ABCA3: variants seen among roughly 807,000 people sequenced by gnomAD.
ABCA3 encodes ATP binding cassette subfamily A member 3, also known as phospholipid-transporting ATPase ABCA3.
Under a neutral mutation model 172.8 loss-of-function variants are expected in ABCA3, and 88 were observed. That is an observed-to-expected ratio of 0.51 (90% CI 0.43 to 0.61). The LOEUF is 0.61. Among genes scored for constraint, ABCA3 ranks in the 20% least tolerant of loss-of-function variants. The pLI, the probability that ABCA3 is intolerant of heterozygous loss-of-function variation, is 0.00. For synonymous variants in ABCA3, 1,066 were observed against 983.8 expected (o/e 1.08, Z -1.56); for missense variants, 2,164 against 2,301.0 (o/e 0.94, Z 1.22).
At chr16:2,290,869 G>A (rs1334408403) in intron 19 of ABCA3, among the ~76,000 whole-genome samples, 4 of 152,054 alleles carry the variant, frequency 2.6e-5, no homozygotes, top group Admixed American at 6.6e-5. Flanking sequence ...CCTATCTCAC[G>A]TTTTTTTCTT....
rs754901496 is a variant in ABCA3 at position 2,304,161 on chromosome 16, C to T, written c.1286-11G>A. 1.9e-6 allele frequency: 3 copies of T among 1,613,938 alleles called. No individual in the cohort carries two copies. Among genetic ancestry groups the T allele is most frequent in the Non-Finnish European group, 2.5e-6 (3 of 1,180,024 alleles). Reference sequence around the variant, plus strand: ...ACTGGATGCCCATGCCTGGAAGACACATCAGGAAAGTGGCCCGAAAGCCAG... The same window carrying T: ...ACTGGATGCCCATGCCTGGAAGACATATCAGGAAAGTGGCCCGAAAGCCAG... On this transcript the variant is annotated splice_polypyrimidine_tract_variant and intron_variant, in intron 11 of 32. Transcript: ENST00000301732.
intron 1 of ABCA3, among the ~76,000 whole-genome samples, chr16:2,339,900 C>T (rs952621000): frequency 2.0e-5 from 3 of 152,262 alleles, no homozygotes; most frequent in Non-Finnish European, 4.4e-5. Context: ...GCGATGCACA[C>T]AGGCGTCCTG....
At position 2,285,972 on chromosome 16, in the gene ABCA3, C is replaced by T. The variant is rs1461713358; in HGVS notation, c.3279-326G>A. The stretch of plus-strand genomic sequence containing the variant: ...AGCCCCACCTCCTCCTGGAGTGTGG[C>T]AAAGGGAAAGCCTCTCCTGGCCTCT... On this transcript the variant is annotated intron_variant, in intron 22 of 32. Coordinates refer to ENST00000301732, the MANE Select transcript of ABCA3 (RefSeq NM_001089.3). The surrounding 1 kb of genome is among the most constrained non-coding windows in gnomAD (Gnocchi z 4.7). 6.6e-6 allele frequency among the ~76,000 whole-genome samples: 1 copy of T among 152,190 alleles called. No individual in the cohort carries two copies. Among genetic ancestry groups the T allele is most frequent in the Non-Finnish European group, 1.5e-5 (1 of 68,024 alleles).
chr16:2,327,165 A>G (rs967772120), intron 3 of ABCA3, among the ~76,000 whole-genome samples: 9 of 151,954 alleles, frequency 5.9e-5, no homozygotes, highest in Non-Finnish European at 1.3e-4. Context: ...CCCAGGCTGG[A>G]GTGCCATGGT....
chr16:2,287,044 A>ATCAGGGACC lies in ABCA3; in HGVS notation c.3005-86_3005-78dup. 1 of 1,518,806 alleles carries ATCAGGGACC rather than the reference A, an allele frequency of 6.6e-7. No homozygotes were observed. The highest frequency in any genetic ancestry group is 1.2e-5 in the South Asian group (1 of 85,000). 94.1% of individuals were successfully genotyped at this position (1,518,806 alleles called of 1,614,324 possible). On this transcript the variant is annotated intron_variant, in intron 21 of 32. Coordinates refer to ENST00000301732, the MANE Select transcript of ABCA3 (RefSeq NM_001089.3). This position sits in a 1 kb window ranked among gnomAD's most constrained non-coding sequence, Gnocchi z 4.1. ...ACCCCCTGCCACCTGAGCATGGCTA[A>ATCAGGGACC]TCAGGGACCCAATAGAGTGGTGCCA...
chr16:2,319,865 C>T (rs1456571654), intron 7 of ABCA3, 25 bp from the exon 8 acceptor site: 2 of 1,612,496 alleles, frequency 1.2e-6, no homozygotes, highest in Admixed American at 1.7e-5. Flanking sequence ...AGAGGATGGC[C>T]CAGCCACCTC....
At chr16:2,305,343 C>A (rs1296199025) in intron 11 of ABCA3, among the ~76,000 whole-genome samples, 3 of 152,164 alleles carry the variant, frequency 2.0e-5, no homozygotes, top group Non-Finnish European at 4.4e-5. Context: ...TGTTGCCAGG[C>A]TGGAGTGCAG....
intron 10 of ABCA3, among the ~76,000 whole-genome samples, chr16:2,312,265 C>A (rs1338865818): frequency 6.6e-6 from 1 of 152,064 alleles, no homozygotes; most frequent in African/African-American, 2.4e-5. Context: ...ACCAAACACC[C>A]GAGGGGGAAT....
intron 10 of ABCA3, among the ~76,000 whole-genome samples, chr16:2,315,666 AT>A (rs756999685): frequency 1.3e-5 from 2 of 151,356 alleles, no homozygotes; most frequent in African/African-American, 4.9e-5. Context: ...ACTGCTTATG[AT>A]TTTTTTTCTT....
chr16:2,291,172 C>G (rs1567340893), intron 19 of ABCA3, among the ~76,000 whole-genome samples: 1 of 151,054 alleles, frequency 6.6e-6, no homozygotes, highest in Non-Finnish European at 1.5e-5. Context: ...GTTAAAAATA[C>G]AAAAAAACTA....
At position 2,277,804 on chromosome 16, in the gene ABCA3, C is replaced by T. The variant is rs2093648809; in HGVS notation, c.4909+75G>A. The T allele has an allele frequency of 1.3e-6, 2 of 1,597,554 alleles. No individual in the cohort carries two copies. Among genetic ancestry groups the T allele is most frequent in the Non-Finnish European group, 1.7e-6 (2 of 1,172,852 alleles). ...CTTGGCGGGGCGAGGCACAGACGCT[C>T]CGCACAGCAGATGGGAGAGGCCTAG... On this transcript the variant is annotated intron_variant, in intron 31 of 32. Transcript: ENST00000301732. The surrounding 1 kb of genome is among the most constrained non-coding windows in gnomAD (Gnocchi z 5.3).
At chr16:2,280,771 T>C (rs965965165) in intron 28 of ABCA3, among the ~76,000 whole-genome samples, 1 of 152,204 alleles carries the variant, frequency 6.6e-6, no homozygotes, top group Non-Finnish European at 1.5e-5. Flanking sequence ...CAGAGGTGGC[T>C]GTCAGTGCTG....
chr16:2,299,017 G>A (rs1203830251), intron 14 of ABCA3, among the ~76,000 whole-genome samples: 3 of 151,812 alleles, frequency 2.0e-5, no homozygotes, highest in Admixed American at 6.6e-5. Flanking sequence ...AGACAGAGGC[G>A]GTGAGGAGGG....
intron 20 of ABCA3, 59 bp from the exon 21 acceptor site, chr16:2,288,388 C>G: frequency 1.3e-6 from 2 of 1,513,874 alleles, no homozygotes; most frequent in Non-Finnish European, 1.8e-6. Context: ...GCCTGACCCC[C>G]ACCCACCTGC....
At chr16:2,289,682 CTA>C (rs1406253243) in intron 19 of ABCA3, 62 bp from the exon 20 acceptor site, 3 of 1,527,476 alleles carry the variant, frequency 2.0e-6, no homozygotes, top group Non-Finnish European at 2.6e-6. Context: ...GAGGGAGGGA[CTA>C]TGGTTAGAGG....
chr16:2,338,427 CTCTT>C (rs1473705932), intron 1 of ABCA3, among the ~76,000 whole-genome samples: 1 of 152,218 alleles, frequency 6.6e-6, no homozygotes, highest in Non-Finnish European at 1.5e-5. Flanking sequence ...GTTTCAGGGG[CTCTT>C]TGTCTTGGCT....
At chr16:2,319,549 T>C in intron 8 of ABCA3, 32 bp downstream of exon 8, 1 of 1,605,198 alleles carries the variant, frequency 6.2e-7, no homozygotes, top group Non-Finnish European at 8.5e-7. Flanking sequence ...GCGCGGTTTC[T>C]AGAGTGTTGG....
chr16:2,308,728 C>A, intron 10 of ABCA3, 105 bp from the exon 11 acceptor site: 2 of 1,311,422 alleles, frequency 1.5e-6, no homozygotes, highest in Non-Finnish European at 2.1e-6. Flanking sequence ...CCGAGCCACC[C>A]AACCTGCTCC....
rs145342500 is a variant in ABCA3, at chr16:2,319,650, C to G, written c.804G>C (p.Leu268=). The change falls in exon 8 of 33, where the codon CTG becomes CTC. Residue 268 remains leucine (L), a synonymous_variant. Transcript: ENST00000301732. Reference sequence around the variant, plus strand: ...TGAGCGCGGTGTAGGTGAAGCTGAGCAGCAGCAGCAGGGGCAGCTGGTACT... The same window carrying G: ...TGAGCGCGGTGTAGGTGAAGCTGAGGAGCAGCAGCAGGGGCAGCTGGTACT... ...AIQYQLPLLL[L]LSFTYTALTI... 6.2e-7 allele frequency: 1 copy of G among 1,612,890 alleles called. No homozygotes were observed. The highest frequency in any genetic ancestry group is 1.3e-5 in the African/African-American group (1 of 74,876).
Sources: gnomAD v4.1 joint callset for allele counts (sites outside exome capture counted in the v4.1 genomes callset) on GRCh38, gnomAD v4.1.1 for gene constraint, Gnocchi (gnomAD v3.1) non-coding constraint, MANE v1.5 for transcripts, NCBI Gene and HGNC (gene_info 2026-07-23, HGNC 2026-07-21) for gene names.